Variants in STPG2 observed in about 807,000 individuals in gnomAD.
STPG2 encodes the protein sperm tail PG-rich repeat containing 2.
In STPG2, 56 loss-of-function variants were observed where a neutral mutation model predicts 54.2. The observed-to-expected ratio is 1.03, with a 90% CI of 0.83 to 1.29. The LOEUF is 1.29. Among genes scored for constraint, STPG2 ranks in the 50% most tolerant of loss-of-function variants. The probability of loss-of-function intolerance (pLI) is 0.00; values close to 1 mark genes in which losing one functional copy is unlikely to be tolerated. For missense variants in STPG2, 596 were observed against 544.9 expected (o/e 1.09, Z -0.93); for synonymous variants, 200 against 181.8 (o/e 1.10, Z -0.81).
intron 4 of STPG2, among the ~76,000 whole-genome samples, chr4:97,506,645 T>C (rs556762445): frequency 3.9e-5 from 6 of 151,948 alleles, no homozygotes; most frequent in Admixed American, 1.3e-4. Context: ...GTAATACCAA[T>C]CATAAAAGGA....
chr4:98,042,488 T>G (rs1477037764), intron 5 of STPG2, among the ~76,000 whole-genome samples: 1 of 151,888 alleles, frequency 6.6e-6, no homozygotes, highest in Non-Finnish European at 1.5e-5. Flanking sequence ...ACACTGTTTT[T>G]GCTGTGTCCC....
At chr4:97,564,179 A>T (rs1476336246) in intron 10 of STPG2, among the ~76,000 whole-genome samples, 1 of 152,082 alleles carries the variant, frequency 6.6e-6, no homozygotes, top group African/African-American at 2.4e-5. Context: ...TCCCTTTACC[A>T]TTATGTAATG....
intron 5 of STPG2, among the ~76,000 whole-genome samples, chr4:98,051,614 T>A (rs1359371077): frequency 6.6e-6 from 1 of 152,092 alleles, no homozygotes; most frequent in Non-Finnish European, 1.5e-5. Context: ...GCTCTTCAAC[T>A]TCCCAGTCTC....
intron 7 of STPG2, among the ~76,000 whole-genome samples, chr4:97,963,770 T>C (rs1398816737): frequency 2.0e-5 from 3 of 151,846 alleles, no homozygotes; most frequent in African/African-American, 7.3e-5. Flanking sequence ...TCGGACTAAA[T>C]GAACAATAGA....
intron 5 of STPG2, among the ~76,000 whole-genome samples, chr4:98,061,677 C>T (rs1737664381): frequency 6.6e-6 from 1 of 151,884 alleles, no homozygotes; most frequent in African/African-American, 2.4e-5. Context: ...TACATGCAAC[C>T]AACAATCAAA....
At chr4:97,765,099 A>G (rs552368155) in intron 9 of STPG2, among the ~76,000 whole-genome samples, 1 of 152,258 alleles carries the variant, frequency 6.6e-6, no homozygotes, top group Non-Finnish European at 1.5e-5. Context: ...ATACAGGAAT[A>G]TTTTTTGGAA....
chr4:97,979,858 G>A (rs968248308), intron 6 of STPG2, among the ~76,000 whole-genome samples: 1 of 151,678 alleles, frequency 6.6e-6, no homozygotes, highest in Non-Finnish European at 1.5e-5. Context: ...CCCAATAGCT[G>A]GGACTACAGA....
intron 9 of STPG2, among the ~76,000 whole-genome samples, chr4:97,783,184 G>A (rs1186872575): frequency 6.6e-6 from 1 of 152,138 alleles, no homozygotes; most frequent in Non-Finnish European, 1.5e-5. Context: ...CTACTCATCT[G>A]ACAAAGGGCT....
At chr4:97,704,296 G>A (rs1349268729) in intron 10 of STPG2, among the ~76,000 whole-genome samples, 1 of 152,082 alleles carries the variant, frequency 6.6e-6, no homozygotes, top group African/African-American at 2.4e-5. Context: ...TGATCTTTCT[G>A]GGCTGAAAGC....
At chr4:98,086,262 T>C (rs1024272760) in intron 5 of STPG2, among the ~76,000 whole-genome samples, 5 of 152,228 alleles carry the variant, frequency 3.3e-5, no homozygotes, top group African/African-American at 1.2e-4. Flanking sequence ...AAGAGCCTTA[T>C]AAAAGTTAAG....
At chr4:97,674,925 C>T (rs977482766) in intron 10 of STPG2, among the ~76,000 whole-genome samples, 1 of 152,166 alleles carries the variant, frequency 6.6e-6, no homozygotes, top group Non-Finnish European at 1.5e-5. Context: ...CTCTTACTAA[C>T]TGTTATTACC....
At chr4:98,023,438 G>A (rs1736299169) in intron 5 of STPG2, among the ~76,000 whole-genome samples, 1 of 152,228 alleles carries the variant, frequency 6.6e-6, no homozygotes, top group African/African-American at 2.4e-5. Context: ...GTGTCAATCT[G>A]CCCCTACTGG....
intron 5 of STPG2, among the ~76,000 whole-genome samples, chr4:98,011,181 A>T (rs1735737738): frequency 1.3e-5 from 2 of 151,476 alleles, no homozygotes; most frequent in East Asian, 1.9e-4. Flanking sequence ...TCATTGTTCA[A>T]CTCCTGTTTA....
In STPG2 at chr4:97,974,871, G is replaced by C. The variant is rs184326279; in HGVS notation, c.773-2431C>G. Among the ~76,000 whole-genome samples the C allele has an allele frequency of 4.2e-3, 641 of 152,158 alleles. 3 individuals carry two copies. Among genetic ancestry groups the C allele is most frequent in the South Asian group, 0.024 (117 of 4,814 alleles). On this transcript the variant is annotated intron_variant, in intron 6 of 10. Transcript: ENST00000295268. ...CATATGACCAGAAATTCTATTTCTA[G>C]GTATTTTCCCAAAAGAAATGAAAAG...
At chr4:97,868,791 G>A (rs1343737277) in intron 8 of STPG2, among the ~76,000 whole-genome samples, 1 of 151,782 alleles carries the variant, frequency 6.6e-6, no homozygotes, top group East Asian at 1.9e-4. Flanking sequence ...GATAAACACA[G>A]TGTCAAACCA....
chr4:97,889,393 A>C (rs953676664), intron 8 of STPG2, among the ~76,000 whole-genome samples: 1 of 152,228 alleles, frequency 6.6e-6, no homozygotes. Flanking sequence ...CATTATTCAC[A>C]GTAGTCAAGA....
intron 4 of STPG2, among the ~76,000 whole-genome samples, chr4:97,494,172 T>A (rs559460024): frequency 1.2e-4 from 18 of 151,716 alleles, no homozygotes; most frequent in African/African-American, 3.1e-4. Flanking sequence ...AGAAAACCTA[T>A]GAGGTTTTAA....
intron 8 of STPG2, among the ~76,000 whole-genome samples, chr4:97,890,912 AAAT>A (rs1000338562): frequency 9.9e-5 from 15 of 151,998 alleles, no homozygotes; most frequent in African/African-American, 3.6e-4. Context: ...TATAAAAACA[AAAT>A]AATCAAAATT....
chr4:97,491,395 A>G (rs992145763), intron 4 of STPG2, among the ~76,000 whole-genome samples: 1 of 151,554 alleles, frequency 6.6e-6, no homozygotes, highest in African/African-American at 2.4e-5. Context: ...AAAGTTATCA[A>G]ACATTTATTT....
Sources: gnomAD v4.1 joint callset for allele counts (sites outside exome capture counted in the v4.1 genomes callset) on GRCh38, gnomAD v4.1.1 for gene constraint, MANE v1.5 for transcripts, NCBI Gene and HGNC (gene_info 2026-07-23, HGNC 2026-07-21) for gene names.